Variants in FOCAD observed in about 807,000 individuals in gnomAD.
FOCAD encodes the protein KIAA1797.
Under a neutral mutation model 225.6 loss-of-function variants are expected in FOCAD, and 198 were observed. The ratio of observed to expected loss-of-function variants is 0.88; its 90% CI spans 0.78 to 0.99. FOCAD has a LOEUF of 0.99. FOCAD is among the 50% of genes least tolerant of loss of function. The probability of loss-of-function intolerance (pLI) is 0.00; values close to 1 mark genes in which losing one functional copy is unlikely to be tolerated. For synonymous variants in FOCAD, 897 were observed against 755.0 expected (o/e 1.19, Z -3.08); for missense variants, 2,713 against 2,123.6 (o/e 1.28, Z -5.46).
rs1311186967 is a variant in FOCAD, at chr9:20,763,528, T to C, written c.495-1341T>C. On this transcript the variant is annotated intron_variant, in intron 6 of 43. Coordinates refer to ENST00000338382, the MANE Select transcript of FOCAD (RefSeq NM_001375567.1). ...TAAAAGCACATCTGATGTGATCTGA[T>C]CAAGGTGAAGTGTCAAGGAAGGACC... Among the ~76,000 whole-genome samples, 3 of 152,148 alleles carry C rather than the reference T, an allele frequency of 2.0e-5. No homozygotes were observed. In the East Asian group the frequency reaches 5.8e-4, roughly 29 times the overall value.
rs370443657 is a variant in FOCAD, at chr9:20,861,668, A to G, written c.1921-910A>G. On this transcript the variant is annotated intron_variant, in intron 15 of 43. Transcript: ENST00000338382. ...ACATTTTTCATTTACTACCTTATGT[A>G]GTTTTTCTAAATAATTTATATTTGT... Among the ~76,000 whole-genome samples the G allele has an allele frequency of 7.1e-4, 108 of 152,292 alleles. 3 individuals are homozygous for G. In the South Asian group the frequency reaches 0.022, roughly 30 times the overall value.
chr9:20,876,631 G>T, intron 19 of FOCAD, among the ~76,000 whole-genome samples: 1 of 152,128 alleles, frequency 6.6e-6, no homozygotes, highest in East Asian at 1.9e-4. Flanking sequence ...AGTGAGGTGG[G>T]TGATCTAGAT....
At chr9:20,803,586 TC>T (rs1180584764) in intron 11 of FOCAD, among the ~76,000 whole-genome samples, 1 of 152,120 alleles carries the variant, frequency 6.6e-6, no homozygotes, top group African/African-American at 2.4e-5. Context: ...GGGAATTGTT[TC>T]AAATCTCTTA....
chr9:20,764,361 C>G (rs1272762908), intron 6 of FOCAD, among the ~76,000 whole-genome samples: 3 of 152,176 alleles, frequency 2.0e-5, no homozygotes, highest in African/African-American at 4.8e-5. Context: ...TCAGGCGATT[C>G]TCCTGCCTCA....
At chr9:20,762,619 A>G (rs1385213795) in intron 6 of FOCAD, among the ~76,000 whole-genome samples, 2 of 152,200 alleles carry the variant, frequency 1.3e-5, no homozygotes, top group African/African-American at 4.8e-5. Context: ...TATGAAATGT[A>G]TGGTATTGTA....
At chr9:20,867,360 G>A (rs1230883840) in intron 18 of FOCAD, among the ~76,000 whole-genome samples, 2 of 151,856 alleles carry the variant, frequency 1.3e-5, no homozygotes, top group East Asian at 1.9e-4. Context: ...TAGCACCTGT[G>A]CAGCCAAAGA....
intron 22 of FOCAD, among the ~76,000 whole-genome samples, chr9:20,909,288 G>A (rs543522724): frequency 6.6e-6 from 1 of 152,130 alleles, no homozygotes; most frequent in South Asian, 2.1e-4. Context: ...GATTATAGAT[G>A]GGAAAGCAGG....
At chr9:20,898,920 C>T (rs1225599397) in intron 21 of FOCAD, among the ~76,000 whole-genome samples, 4 of 151,852 alleles carry the variant, frequency 2.6e-5, no homozygotes, top group Non-Finnish European at 5.9e-5. Flanking sequence ...CATAGTGAGC[C>T]TAGAACTTTC....
At chr9:20,846,292 A>T (rs971537987) in intron 15 of FOCAD, among the ~76,000 whole-genome samples, 8 of 152,084 alleles carry the variant, frequency 5.3e-5, no homozygotes, top group African/African-American at 1.7e-4. Flanking sequence ...CACCTCCTGG[A>T]GATTAGGCTG....
At chr9:20,909,702 T>C (rs896427119) in intron 22 of FOCAD, among the ~76,000 whole-genome samples, 1 of 152,144 alleles carries the variant, frequency 6.6e-6, no homozygotes, top group African/African-American at 2.4e-5. Context: ...TACAGCAGTG[T>C]GATTTAGGCT....
chr9:20,857,912 T>C (rs1828363521), intron 15 of FOCAD, among the ~76,000 whole-genome samples: 1 of 152,020 alleles, frequency 6.6e-6, no homozygotes, highest in African/African-American at 2.4e-5. Flanking sequence ...TTGCATATGT[T>C]GAACCATCCT....
At chr9:20,958,798 T>C (rs1373055060) in intron 35 of FOCAD, among the ~76,000 whole-genome samples, 1 of 152,200 alleles carries the variant, frequency 6.6e-6, no homozygotes, top group Non-Finnish European at 1.5e-5. Context: ...TATTTAACTT[T>C]CTGTTCCTGG....
chr9:20,770,887 A>G (rs756818037), intron 8 of FOCAD, among the ~76,000 whole-genome samples: 10 of 152,216 alleles, frequency 6.6e-5, no homozygotes, highest in Non-Finnish European at 1.0e-4. Context: ...TCATTTATTC[A>G]TGCAGAACAT....
chr9:20,859,662 A>G (rs1399017329), intron 15 of FOCAD, among the ~76,000 whole-genome samples: 1 of 147,534 alleles, frequency 6.8e-6, no homozygotes, highest in African/African-American at 2.5e-5. Context: ...ACTTATGGAA[A>G]AGTTTAAAGC....
intron 8 of FOCAD, among the ~76,000 whole-genome samples, chr9:20,774,046 A>T (rs1033895458): frequency 6.6e-6 from 1 of 152,164 alleles, no homozygotes; most frequent in Non-Finnish European, 1.5e-5. Flanking sequence ...CCTATTGTGA[A>T]CTGTGCATGC....
chr9:20,934,740 C>T (rs900791149), intron 28 of FOCAD, among the ~76,000 whole-genome samples: 1 of 151,848 alleles, frequency 6.6e-6, no homozygotes, highest in Non-Finnish European at 1.5e-5. Context: ...CAGAAAGCTC[C>T]CAGAATTGAT....
intron 21 of FOCAD, among the ~76,000 whole-genome samples, chr9:20,897,576 A>C (rs560616444): frequency 6.6e-6 from 1 of 151,712 alleles, no homozygotes; most frequent in Non-Finnish European, 1.5e-5. Context: ...AGTATGCAAT[A>C]TATATTTACA....
intron 26 of FOCAD, among the ~76,000 whole-genome samples, chr9:20,927,548 G>A (rs1308349304): frequency 3.3e-5 from 5 of 151,536 alleles, no homozygotes; most frequent in Non-Finnish European, 5.9e-5. Context: ...AAAGCCACCT[G>A]TTACCCATCC....
chr9:20,804,559 A>G (rs1822202952), intron 11 of FOCAD, among the ~76,000 whole-genome samples: 1 of 151,706 alleles, frequency 6.6e-6, no homozygotes, highest in Non-Finnish European at 1.5e-5. Context: ...CATGCTGTTC[A>G]TGAAAGACTT....
Sources: allele counts gnomAD v4.1 joint callset (sites outside exome capture counted in the v4.1 genomes callset), GRCh38; gene constraint gnomAD v4.1.1; transcripts MANE v1.5; gene names NCBI Gene and HGNC (gene_info 2026-07-23, HGNC 2026-07-21).